Variants in GRIN2A observed in about 807,000 individuals in gnomAD.
GRIN2A encodes the protein glutamate ionotropic receptor NMDA type subunit 2A.
A neutral mutation model predicts 113.4 loss-of-function variants in GRIN2A; 22 were observed. That is an observed-to-expected ratio of 0.19 (90% CI 0.14 to 0.28). The LOEUF (loss-of-function observed/expected upper bound fraction) is 0.28, where lower values mean the gene tolerates loss of function less well. GRIN2A is among the 10% of genes least tolerant of loss of function. The pLI, the probability that GRIN2A is intolerant of heterozygous loss-of-function variation, is 1.00. For synonymous variants in GRIN2A, 827 were observed against 738.4 expected (o/e 1.12, Z -1.94); for missense variants, 1,502 against 1,887.0 (o/e 0.80, Z 3.78).
At chr16:10,132,257 G>T (rs1451449003) in intron 2 of GRIN2A, among the ~76,000 whole-genome samples, 1 of 149,518 alleles carries the variant, frequency 6.7e-6, no homozygotes, top group East Asian at 2.0e-4. Flanking sequence ...GCTTGAACCC[G>T]GGAGGCAGAG....
intron 4 of GRIN2A, among the ~76,000 whole-genome samples, chr16:9,856,852 C>T (rs1388042225): frequency 1.3e-5 from 2 of 151,358 alleles, no homozygotes; most frequent in Non-Finnish European, 2.9e-5. Context: ...ATTTTTAAGT[C>T]TGTGAAAAAA....
chr16:9,912,500 G>C (rs2044163743), intron 3 of GRIN2A, among the ~76,000 whole-genome samples: 1 of 135,182 alleles, frequency 7.4e-6, no homozygotes, highest in Non-Finnish European at 1.6e-5. Context: ...TTAAAATTCA[G>C]AGTAAGTGGG....
intron 11 of GRIN2A, among the ~76,000 whole-genome samples, chr16:9,774,624 C>G (rs1263790013): frequency 6.6e-6 from 1 of 152,158 alleles, no homozygotes; most frequent in African/African-American, 2.4e-5. Context: ...TATGGCTTGT[C>G]TAGTTTACAG....
intron 10 of GRIN2A, among the ~76,000 whole-genome samples, chr16:9,817,148 G>T (rs1037578137): frequency 1.3e-5 from 2 of 152,026 alleles, no homozygotes; most frequent in African/African-American, 4.8e-5. Flanking sequence ...ACAAGCATTT[G>T]GCTTGTCTAC....
In GRIN2A at chr16:10,020,151, C is replaced by T. The variant is rs143735306; in HGVS notation, c.415-81600G>A. On this transcript the variant is annotated intron_variant, in intron 2 of 12. Coordinates refer to ENST00000330684, the MANE Select transcript of GRIN2A (RefSeq NM_001134407.3). ...AAGATGGGCCAGGTGCAGTGGCTCACGCCTGTAATCCCAGCACTTTGGGAG... is the reference window on the plus strand; with the variant it reads ...AAGATGGGCCAGGTGCAGTGGCTCATGCCTGTAATCCCAGCACTTTGGGAG... Among the ~76,000 whole-genome samples, 343 of 152,284 alleles carry T rather than the reference C, an allele frequency of 2.3e-3. 1 individual carries two copies. Among genetic ancestry groups the T allele is most frequent in the African/African-American group, 7.8e-3 (323 of 41,554 alleles).
chr16:10,126,947 TA>T (rs1220731905), intron 2 of GRIN2A, among the ~76,000 whole-genome samples: 1 of 152,164 alleles, frequency 6.6e-6, no homozygotes, highest in African/African-American at 2.4e-5. Context: ...GACCTCACCA[TA>T]AACAAAGAGC....
chr16:9,962,697 C>T (rs1294487445), intron 2 of GRIN2A, among the ~76,000 whole-genome samples: 38 of 152,106 alleles, frequency 2.5e-4, no homozygotes, highest in Admixed American at 2.2e-3. Flanking sequence ...TTGTGGAAGT[C>T]GGTGTGGAAA....
At chr16:10,132,319 G>A (rs1210117130) in intron 2 of GRIN2A, among the ~76,000 whole-genome samples, 2 of 107,296 alleles carry the variant, frequency 1.9e-5, no homozygotes, top group Non-Finnish European at 3.8e-5. Flanking sequence ...GCAACAGAAT[G>A]AGCAGAACAA....
chr16:10,130,390 TTC>T (rs1004146541), intron 2 of GRIN2A, among the ~76,000 whole-genome samples: 5 of 152,208 alleles, frequency 3.3e-5, no homozygotes, highest in African/African-American at 1.2e-4. Context: ...TAATAGAATT[TTC>T]GAGCTGAGCA....
intron 2 of GRIN2A, among the ~76,000 whole-genome samples, chr16:10,044,399 C>T (rs1304446023): frequency 6.6e-6 from 1 of 151,678 alleles, no homozygotes; most frequent in African/African-American, 2.4e-5. Flanking sequence ...CTTTTTGCTG[C>T]ACAGAAAAGT....
rs115573029 is a variant in GRIN2A at position 10,031,938 on chromosome 16, C to A, written c.415-93387G>T. On this transcript the variant is annotated intron_variant, in intron 2 of 12. Coordinates refer to ENST00000330684, the MANE Select transcript of GRIN2A (RefSeq NM_001134407.3). The stretch of plus-strand genomic sequence containing the variant: ...CAGTCTCTTTCCACTTCCTGCAATG[C>A]TTTTCCCTTCCCTCTGTCACCCACC... Among the ~76,000 whole-genome samples, 676 of 152,368 alleles carry A rather than the reference C, an allele frequency of 4.4e-3. 1 individual carries two copies. Among genetic ancestry groups the A allele is most frequent in the African/African-American group, 0.016 (653 of 41,590 alleles).
chr16:10,066,014 A>T (rs2047642108), intron 2 of GRIN2A, among the ~76,000 whole-genome samples: 1 of 152,204 alleles, frequency 6.6e-6, no homozygotes, highest in Non-Finnish European at 1.5e-5. Flanking sequence ...AGACATCATG[A>T]ATCCAACAAC....
At chr16:9,884,167 TTTTA>T (rs1184030986) in intron 4 of GRIN2A, among the ~76,000 whole-genome samples, 99 of 152,356 alleles carry the variant, frequency 6.5e-4, no homozygotes, top group Non-Finnish European at 1.0e-4. Context: ...TATCTACAAT[TTTTA>T]TTTGTTAACT....
chr16:9,781,290 A>G (rs1485667143), intron 11 of GRIN2A, among the ~76,000 whole-genome samples: 1 of 152,228 alleles, frequency 6.6e-6, no homozygotes, highest in Non-Finnish European at 1.5e-5. Context: ...AAAGAACTGT[A>G]ATGCCTAATG....
chr16:9,931,855 A>C (rs1002077447), intron 3 of GRIN2A, among the ~76,000 whole-genome samples: 13 of 152,238 alleles, frequency 8.5e-5, no homozygotes, highest in Non-Finnish European at 1.8e-4. Context: ...ATTCACAAAC[A>C]CACAGCACTC....
chr16:9,869,138 T>C (rs2043212737), intron 4 of GRIN2A, among the ~76,000 whole-genome samples: 1 of 152,120 alleles, frequency 6.6e-6, no homozygotes, highest in African/African-American at 2.4e-5. Flanking sequence ...CAAATACCTA[T>C]GAAATGAACA....
chr16:9,853,830 A>G (rs531187379), intron 4 of GRIN2A, among the ~76,000 whole-genome samples: 64 of 152,228 alleles, frequency 4.2e-4, no homozygotes, highest in Non-Finnish European at 8.8e-4. Flanking sequence ...CTCATGACCA[A>G]TCTTGTTTCA....
chr16:9,947,733 G>A (rs1005487161), intron 2 of GRIN2A, among the ~76,000 whole-genome samples: 1 of 152,068 alleles, frequency 6.6e-6, no homozygotes, highest in Non-Finnish European at 1.5e-5. Context: ...TCTCTTACTG[G>A]TGTCTGGGCC....
chr16:9,937,888 A>G (rs1340469840), intron 3 of GRIN2A, 71 bp downstream of exon 3: 2 of 1,056,814 alleles, frequency 1.9e-6, no homozygotes, highest in African/African-American at 3.1e-5. Context: ...AACAATGAGT[A>G]TGTAAGCAAG....
Sources: gnomAD v4.1 joint callset for allele counts (sites outside exome capture counted in the v4.1 genomes callset) on GRCh38, gnomAD v4.1.1 for gene constraint, MANE v1.5 for transcripts, NCBI Gene and HGNC (gene_info 2026-07-23, HGNC 2026-07-21) for gene names.